Variants in NXN observed in about 807,000 individuals in gnomAD.
NXN encodes nucleoredoxin 1.
Under a neutral mutation model 48.6 loss-of-function variants are expected in NXN, and 16 were observed. The observed-to-expected ratio is 0.33, with a 90% CI of 0.22 to 0.50. The LOEUF (loss-of-function observed/expected upper bound fraction) is 0.50, where lower values mean the gene tolerates loss of function less well. Ranked by LOEUF, NXN falls within the 20% of genes least tolerant of loss-of-function variation. NXN has a pLI of 0.98. For synonymous variants in NXN, 281 were observed against 269.6 expected, an observed-to-expected ratio of 1.04 and a Z score of -0.41; for missense variants, 492 against 605.5, an observed-to-expected ratio of 0.81 and a Z score of 1.97.
intron 1 of NXN, among the ~76,000 whole-genome samples, chr17:827,885 C>G (rs912017906): frequency 3.9e-5 from 6 of 152,108 alleles, no homozygotes; most frequent in African/African-American, 1.4e-4. Context: ...GAGTTCCATC[C>G]GAAGCGGTGA....
Position 800,736 on chromosome 17 carries a change from CAG to C in NXN, c.*211_*212del, listed in dbSNP as rs772946192. ...CCCCCGGCCATCCCGTGCTCCCAAA[CAG>C]AGTCTCCAAACACGGTGGACTCTGC... On this transcript the variant is annotated 3_prime_UTR_variant, in exon 8 of 8. Transcript: ENST00000336868. The C allele has an allele frequency of 5.1e-6, 2 of 388,564 alleles. No individual in the cohort carries two copies. The highest frequency in any genetic ancestry group is 9.1e-6 in the Non-Finnish European group (2 of 219,744). The allele number at this position is 388,564 out of a possible 1,614,324, so 24.1% of individuals were successfully genotyped here. A position where few individuals can be genotyped will look rare whatever the true frequency, so the allele number is the denominator to read the frequency against.
At chr17:823,108 A>G (rs1912902548) in intron 3 of NXN, among the ~76,000 whole-genome samples, 2 of 150,908 alleles carry the variant, frequency 1.3e-5, no homozygotes, top group Admixed American at 1.3e-4. Flanking sequence ...TCAAAAAAAA[A>G]AAAAAGGGGG....
intron 1 of NXN, among the ~76,000 whole-genome samples, chr17:858,522 T>G (rs2068009546): frequency 6.6e-6 from 1 of 151,168 alleles, no homozygotes; most frequent in South Asian, 2.1e-4. Context: ...GGTCAGGAGA[T>G]CGAGACCATC....
chr17:849,487 C>A lies in NXN; in HGVS notation c.361-23409G>T, dbSNP rs920038726. 6.6e-6 allele frequency among the ~76,000 whole-genome samples: 1 copy of A among 151,836 alleles called. No individual in the cohort carries two copies. The highest frequency in any genetic ancestry group is 1.5e-5 in the Non-Finnish European group (1 of 67,972). The stretch of plus-strand genomic sequence containing the variant: ...GGCGGAGGTTGCAGTGAGCTGAGAT[C>A]GCACCACTGCACTCCATCCTGGACG... On this transcript the variant is annotated intron_variant, in intron 1 of 7. Transcript: ENST00000336868. The surrounding 1 kb of genome is among the most constrained non-coding windows in gnomAD (Gnocchi z 4.2).
chr17:903,676 C>T (rs1673620158), intron 1 of NXN, among the ~76,000 whole-genome samples: 1 of 152,214 alleles, frequency 6.6e-6, no homozygotes, highest in African/African-American at 2.4e-5. Flanking sequence ...AGCCAGGACA[C>T]CCAGCCTCTG....
intron 1 of NXN, among the ~76,000 whole-genome samples, chr17:838,455 T>C: frequency 6.6e-6 from 1 of 152,024 alleles, no homozygotes; most frequent in African/African-American, 2.4e-5. Context: ...TTCTAACCAA[T>C]TTACAGATGA....
intron 1 of NXN, among the ~76,000 whole-genome samples, chr17:855,440 T>C (rs2067975045): frequency 6.6e-6 from 1 of 152,168 alleles, no homozygotes; most frequent in Non-Finnish European, 1.5e-5. Context: ...AGATATCTTC[T>C]TTGCGGCTAG....
chr17:945,734 A>G (rs765827870), intron 1 of NXN, among the ~76,000 whole-genome samples: 8 of 152,282 alleles, frequency 5.3e-5, no homozygotes, highest in Admixed American at 2.0e-4. Context: ...CTTTAGCCCC[A>G]AAATAATAAA....
intron 1 of NXN, among the ~76,000 whole-genome samples, chr17:945,242 C>T (rs962296999): frequency 6.6e-6 from 1 of 151,734 alleles, no homozygotes; most frequent in Admixed American, 6.6e-5. Flanking sequence ...CCACCACGCC[C>T]GGCTAATTTT....
At chr17:813,840 C>A (rs1369949709) in intron 5 of NXN, among the ~76,000 whole-genome samples, 1 of 151,770 alleles carries the variant, frequency 6.6e-6, no homozygotes, top group African/African-American at 2.4e-5. Flanking sequence ...GTGGCAGGTG[C>A]CTATAATCCC....
intron 1 of NXN, among the ~76,000 whole-genome samples, chr17:960,035 T>A (rs566001694): frequency 1.7e-4 from 26 of 151,942 alleles, no homozygotes; most frequent in African/African-American, 5.6e-4. Context: ...GAGGTTGCGG[T>A]CAGCCGAGAT....
chr17:808,789 T>G (rs1289251655), intron 5 of NXN, among the ~76,000 whole-genome samples: 2 of 151,522 alleles, frequency 1.3e-5, no homozygotes, highest in Non-Finnish European at 2.9e-5. Flanking sequence ...ATTATCTTGC[T>G]TCAGCTTCCC....
chr17:967,236 G>A (rs571977664), intron 1 of NXN, among the ~76,000 whole-genome samples: 2 of 152,318 alleles, frequency 1.3e-5, no homozygotes, highest in Admixed American at 6.5e-5. Flanking sequence ...GACCAGTTAT[G>A]GGATCAAGGG....
At chr17:840,703 A>G (rs1325999701) in intron 1 of NXN, among the ~76,000 whole-genome samples, 1 of 152,178 alleles carries the variant, frequency 6.6e-6, no homozygotes, top group Non-Finnish European at 1.5e-5. Flanking sequence ...TTACAACAGA[A>G]ATCACTTTGC....
intron 1 of NXN, among the ~76,000 whole-genome samples, chr17:845,093 A>G (rs1189381988): frequency 6.6e-6 from 1 of 152,070 alleles, no homozygotes; most frequent in African/African-American, 2.4e-5. Flanking sequence ...AACTCCTAGG[A>G]CCAGCTGCTA....
chr17:915,141 G>A (rs573587961), intron 1 of NXN, among the ~76,000 whole-genome samples: 37 of 152,168 alleles, frequency 2.4e-4, no homozygotes, highest in African/African-American at 6.3e-4. Context: ...TCACCATATT[G>A]GCCAGGCTGG....
chr17:870,847 T>C (rs1567841898), intron 1 of NXN, among the ~76,000 whole-genome samples: 3 of 151,516 alleles, frequency 2.0e-5, no homozygotes, highest in Non-Finnish European at 4.4e-5. Context: ...TGCTACATGC[T>C]TTTATTTATT....
chr17:807,737 C>T (rs577887488), intron 5 of NXN, among the ~76,000 whole-genome samples: 21 of 152,352 alleles, frequency 1.4e-4, no homozygotes, highest in South Asian at 6.2e-4. Flanking sequence ...GGCCCCTGCA[C>T]GGGGGAAAGC....
intron 1 of NXN, among the ~76,000 whole-genome samples, chr17:957,917 G>T (rs2069189937): frequency 6.6e-6 from 1 of 152,144 alleles, no homozygotes; most frequent in African/African-American, 2.4e-5. Flanking sequence ...GCATCGCCCA[G>T]AATGTATGTT....
Sources: gnomAD v4.1 joint callset for allele counts (sites outside exome capture counted in the v4.1 genomes callset) on GRCh38, gnomAD v4.1.1 for gene constraint, Gnocchi (gnomAD v3.1) non-coding constraint, MANE v1.5 for transcripts, NCBI Gene and HGNC (gene_info 2026-07-23, HGNC 2026-07-21) for gene names.